ASIC2: variants seen among roughly 807,000 people sequenced by gnomAD.
ASIC2 encodes acid sensing ion channel subunit 2.
ASIC2 carries 25 observed loss-of-function variants against 57.3 expected under a neutral mutation model. The observed-to-expected ratio is 0.44, with a 90% confidence interval of 0.32 to 0.61. ASIC2 has a LOEUF of 0.61. Among genes scored for constraint, ASIC2 ranks in the 20% least tolerant of loss-of-function variants. The pLI, the probability that ASIC2 is intolerant of heterozygous loss-of-function variation, is 0.06. For synonymous variants in ASIC2, 319 were observed against 307.5 expected (o/e 1.04, Z -0.39); for missense variants, 641 against 738.1 (o/e 0.87, Z 1.52).
chr17:33,807,728 T>G (rs1366981817), intron 1 of ASIC2, among the ~76,000 whole-genome samples: 1 of 152,202 alleles, frequency 6.6e-6, no homozygotes, highest in Non-Finnish European at 1.5e-5. Flanking sequence ...GCAAATCCAA[T>G]CATGTAACTC....
At chr17:33,671,231 C>A (rs1260837043) in intron 1 of ASIC2, among the ~76,000 whole-genome samples, 3 of 152,206 alleles carry the variant, frequency 2.0e-5, no homozygotes, top group Admixed American at 2.0e-4. Context: ...GCATTCTGTG[C>A]TAATTGCTCC....
At chr17:33,306,774 G>A (rs1906194484) in intron 1 of ASIC2, among the ~76,000 whole-genome samples, 1 of 152,050 alleles carries the variant, frequency 6.6e-6, no homozygotes, top group Non-Finnish European at 1.5e-5. Flanking sequence ...TTATGTCATT[G>A]CTCTGCTTAA....
intron 3 of ASIC2, among the ~76,000 whole-genome samples, chr17:33,041,243 T>TA (rs2091928784): frequency 1.3e-5 from 2 of 152,206 alleles, no homozygotes; most frequent in Admixed American, 1.3e-4. Context: ...TTGCAACTCC[T>TA]AGGACTTCCT....
chr17:33,303,298 T>A (rs1474555835), intron 1 of ASIC2, among the ~76,000 whole-genome samples: 1 of 152,210 alleles, frequency 6.6e-6, no homozygotes, highest in Non-Finnish European at 1.5e-5. Context: ...TTTTGGGGCC[T>A]GAAGTGGGTT....
intron 1 of ASIC2, among the ~76,000 whole-genome samples, chr17:33,876,660 C>T (rs1025742711): frequency 6.6e-6 from 1 of 152,140 alleles, no homozygotes; most frequent in African/African-American, 2.4e-5. Context: ...AGCTCAGAGT[C>T]CAGCAGTCAT....
At chr17:33,058,098 T>A (rs1184856359) in intron 3 of ASIC2, among the ~76,000 whole-genome samples, 1 of 152,228 alleles carries the variant, frequency 6.6e-6, no homozygotes, top group Admixed American at 6.5e-5. Flanking sequence ...AAAGTCCCTG[T>A]ACCATGGAAT....
intron 1 of ASIC2, among the ~76,000 whole-genome samples, chr17:33,594,386 G>T (rs1207477026): frequency 6.6e-6 from 1 of 152,208 alleles, no homozygotes; most frequent in African/African-American, 2.4e-5. Context: ...ACCCAGTGAA[G>T]GTCAACATTG....
intron 1 of ASIC2, chr17:34,039,528 G>A (rs1808193): frequency 0.24 from 388,035 of 1,613,406 alleles, 48,953 homozygotes; most frequent in African/African-American, 0.43. Flanking sequence ...GATTGGATAA[G>A]GAATGTTGCA....
chr17:33,194,160 G>A (rs1282605112), intron 1 of ASIC2, among the ~76,000 whole-genome samples: 1 of 152,116 alleles, frequency 6.6e-6, no homozygotes, highest in Non-Finnish European at 1.5e-5. Context: ...AACTTCCCAA[G>A]CCTCCTGACT....
At chr17:33,795,868 G>A (rs1322707466) in intron 1 of ASIC2, among the ~76,000 whole-genome samples, 2 of 152,246 alleles carry the variant, frequency 1.3e-5, no homozygotes, top group African/African-American at 2.4e-5. Flanking sequence ...TATCCAGGTA[G>A]CTGGAAGACC....
At chr17:33,305,170 C>A (rs1425976462) in intron 1 of ASIC2, among the ~76,000 whole-genome samples, 1 of 152,140 alleles carries the variant, frequency 6.6e-6, no homozygotes, top group Non-Finnish European at 1.5e-5. Context: ...GTATCCCTAA[C>A]AAAGTAGATG....
chr17:33,113,435 G>A (rs1490353831), intron 1 of ASIC2, among the ~76,000 whole-genome samples: 2 of 152,142 alleles, frequency 1.3e-5, no homozygotes, highest in Non-Finnish European at 2.9e-5. Flanking sequence ...GGCAAAATTG[G>A]CTGGAAGAGA....
chr17:33,942,199 C>T (rs185264747), intron 1 of ASIC2, among the ~76,000 whole-genome samples: 1 of 152,190 alleles, frequency 6.6e-6, no homozygotes, highest in East Asian at 1.9e-4. Context: ...TGCCTGAAAG[C>T]CCCTGGAGAG....
intron 3 of ASIC2, among the ~76,000 whole-genome samples, chr17:33,061,857 C>G (rs1967599081): frequency 6.6e-6 from 1 of 152,130 alleles, no homozygotes; most frequent in Non-Finnish European, 1.5e-5. Flanking sequence ...TTGGTCTATT[C>G]AGAGATTCAA....
At chr17:34,115,541 G>A (rs1398699833) in intron 1 of ASIC2, among the ~76,000 whole-genome samples, 1 of 152,112 alleles carries the variant, frequency 6.6e-6, no homozygotes, top group Non-Finnish European at 1.5e-5. Context: ...ATTAATTGAT[G>A]GCTTTAATTG....
intron 1 of ASIC2, among the ~76,000 whole-genome samples, chr17:33,528,685 G>A (rs778870936): frequency 4.6e-5 from 7 of 152,150 alleles, no homozygotes; most frequent in African/African-American, 7.2e-5. Context: ...AAGGCTAGCC[G>A]TGCTGCTCTG....
At chr17:33,879,991 G>T (rs1914659857) in intron 1 of ASIC2, among the ~76,000 whole-genome samples, 1 of 152,116 alleles carries the variant, frequency 6.6e-6, no homozygotes, top group Admixed American at 6.5e-5. Context: ...TGAACAACCT[G>T]CTCCTGAATG....
chr17:34,152,309 T>A (rs763659336), intron 1 of ASIC2, among the ~76,000 whole-genome samples: 6 of 152,208 alleles, frequency 3.9e-5, no homozygotes, highest in Non-Finnish European at 8.8e-5. Context: ...GTCATTTGTA[T>A]TTCTGTACTT....
intron 1 of ASIC2, among the ~76,000 whole-genome samples, chr17:33,557,009 A>G (rs888630990): frequency 6.6e-6 from 1 of 152,166 alleles, no homozygotes; most frequent in Admixed American, 6.5e-5. Context: ...CCCTTCTTGG[A>G]CAGCTGCTTT....
Sources: gnomAD v4.1 joint callset for allele counts (sites outside exome capture counted in the v4.1 genomes callset) on GRCh38, gnomAD v4.1.1 for gene constraint, MANE v1.5 for transcripts, NCBI Gene and HGNC (gene_info 2026-07-23, HGNC 2026-07-21) for gene names.